PPL: variants seen among roughly 807,000 people sequenced by gnomAD.
The protein encoded by PPL is periplakin.
Under a neutral mutation model 194.4 loss-of-function variants are expected in PPL, and 198 were observed. The observed-to-expected ratio is 1.02, with a 90% confidence interval of 0.91 to 1.15. The LOEUF (loss-of-function observed/expected upper bound fraction) is 1.15, where lower values mean the gene tolerates loss of function less well. PPL is among the 50% of genes most tolerant of loss of function. The pLI is 0.00. For missense variants in PPL, 2,885 were observed against 2,294.8 expected (o/e 1.26, Z -5.25); for synonymous variants, 1,220 against 972.4 (o/e 1.25, Z -4.74).
At chr16:4,913,437 A>C (rs1289893640) in intron 1 of PPL, among the ~76,000 whole-genome samples, 1 of 152,190 alleles carries the variant, frequency 6.6e-6, no homozygotes, top group Non-Finnish European at 1.5e-5. Flanking sequence ...AATGGAAGTG[A>C]GGTTACACTA....
rs1567978433 is a variant in PPL, at chr16:4,883,500, A to G, written c.5155T>C (p.Phe1719Leu). 5 of 1,613,978 alleles carry G rather than the reference A, an allele frequency of 3.1e-6. No homozygotes were observed. The South Asian group carries it at 3.3e-5, about 11-fold the overall frequency. Residue 1719 changes from phenylalanine to leucine, a missense_variant, in exon 22 of 22, where the codon TTC becomes CTC. Coordinates refer to ENST00000345988, the MANE Select transcript of PPL (RefSeq NM_002705.5). This position sits in a 1 kb window ranked among gnomAD's most constrained non-coding sequence, Gnocchi z 4.8. The stretch of plus-strand genomic sequence containing the variant: ...CTCTGCAGGGCCTCTTCGATGGAGA[A>G]CTTCTTGCCAGACTTCCTGTCGTGT... ...VIHDRKSGKK[F>L]SIEEALQSGR...
chr16:4,917,022 T>C (rs939205510), intron 1 of PPL, among the ~76,000 whole-genome samples: 1 of 151,916 alleles, frequency 6.6e-6, no homozygotes, highest in African/African-American at 2.4e-5. Flanking sequence ...ATCCCATCTA[T>C]TCGGGAAGCT....
chr16:4,930,749 A>G (rs963685389), intron 1 of PPL, among the ~76,000 whole-genome samples: 1 of 152,160 alleles, frequency 6.6e-6, no homozygotes, highest in African/African-American at 2.4e-5. Flanking sequence ...GAAGAGAAGC[A>G]GTGAAAAGGG....
chr16:4,915,496 C>T (rs1425005741), intron 1 of PPL, among the ~76,000 whole-genome samples: 2 of 152,342 alleles, frequency 1.3e-5, no homozygotes, highest in Admixed American at 6.5e-5. Context: ...CCTAAGTCCC[C>T]GGGGAGGTTG....
At chr16:4,928,777 G>A (rs2089191140) in intron 1 of PPL, among the ~76,000 whole-genome samples, 1 of 152,098 alleles carries the variant, frequency 6.6e-6, no homozygotes, top group Non-Finnish European at 1.5e-5. Context: ...TTAGGAAGCC[G>A]AGGCAGGTGG....
rs1276978458 is a variant in PPL, at chr16:4,893,342, C to T, written c.1521G>A (p.Leu507=). The T allele has an allele frequency of 5.6e-6, 9 of 1,608,076 alleles. No individual in the cohort carries two copies. Among genetic ancestry groups the T allele is most frequent in the Middle Eastern group, 3.4e-4 (2 of 5,948 alleles). Residue 507 remains leucine, a synonymous_variant, in exon 14 of 22, where the codon CTG becomes CTA. Transcript: ENST00000345988. ...TGGCCACCTTGTCCAAGCCAGCCAG[C>T]AGCTGCCGCCCCTGTAGGTCAGAGG... The part of the protein sequence containing the change: ...GDASDLQGRQ[L]LAGLDKVASD...
intron 1 of PPL, among the ~76,000 whole-genome samples, chr16:4,920,349 A>G (rs11862117): frequency 3.0e-4 from 14 of 46,162 alleles, no homozygotes; most frequent in African/African-American, 4.3e-4. Flanking sequence ...GAGAGAGAGA[A>G]AGAAAGAAAG....
intron 1 of PPL, among the ~76,000 whole-genome samples, chr16:4,933,346 T>C (rs967960301): frequency 3.9e-5 from 6 of 152,160 alleles, no homozygotes; most frequent in Non-Finnish European, 8.8e-5. Context: ...GCCAGGCTGC[T>C]GGGTGTTTAC....
At chr16:4,913,020 CTTGAACCTGGG>C (rs2088850560) in intron 1 of PPL, among the ~76,000 whole-genome samples, 2 of 152,114 alleles carry the variant, frequency 1.3e-5, no homozygotes, top group South Asian at 4.1e-4. Context: ...AGGAGAACTG[CTTGAACCTGGG>C]AGGTGGAGGT....
chr16:4,887,297 C>A (rs1797074353), intron 20 of PPL, 70 bp from the exon 21 acceptor site: 1 of 1,155,506 alleles, frequency 8.7e-7, no homozygotes, highest in Non-Finnish European at 1.3e-6. Context: ...GAGAGCTAGA[C>A]AGCGTGGACG....
At chr16:4,911,351 G>T (rs1345801120) in intron 1 of PPL, among the ~76,000 whole-genome samples, 13 of 151,932 alleles carry the variant, frequency 8.6e-5, no homozygotes. Context: ...TAGTGGAGAT[G>T]GGGTTCCACC....
chr16:4,905,694 C>A (rs995799182), intron 2 of PPL, among the ~76,000 whole-genome samples: 2 of 152,192 alleles, frequency 1.3e-5, no homozygotes, highest in African/African-American at 4.8e-5. Context: ...AAAGACTTGG[C>A]TTCTTCTTGG....
chr16:4,890,043 T>A (rs912509982), intron 18 of PPL, 141 bp downstream of exon 18: 13 of 1,229,194 alleles, frequency 1.1e-5, no homozygotes, highest in African/African-American at 4.5e-5. Flanking sequence ...GAGCTTGAGC[T>A]GAGGCCCAGG....
In PPL at chr16:4,885,601, C is replaced by G; in HGVS notation, c.3054G>C (p.Glu1018Asp). 1 of 1,612,292 alleles carries G rather than the reference C, an allele frequency of 6.2e-7. No individual in the cohort carries two copies. ...GGGCGCCCTTCTGCCGCCTCAGTGC[C>G]TCCAGCTCCTCCCGCAGCTGCAAGA... ...DEVLQLREEL[E>D]ALRRQKGARE... The change falls in exon 22 of 22, where the codon GAG becomes GAC. Residue 1018 changes from glutamate to aspartate, a missense_variant. Glu to Asp is a conservative substitution (Grantham distance 45, BLOSUM62 2). Transcript: ENST00000345988. This position sits in a 1 kb window ranked among gnomAD's most constrained non-coding sequence, Gnocchi z 6.3.
Position 4,900,939 on chromosome 16 carries a change from CCCACCACA to C in PPL, c.564+17_564+24del. 6.2e-7 allele frequency: 1 copy of C among 1,613,950 alleles called. No homozygotes were observed. The highest frequency in any genetic ancestry group is 8.5e-7 in the Non-Finnish European group (1 of 1,179,950). ...GCGCGGCCCCCTCCATCCCTGGGTC[CCCACCACA>C]CCAGCACACGCCCCACCTTGTCCCC... On this transcript the variant is annotated intron_variant, in intron 5 of 21. Coordinates refer to ENST00000345988, the MANE Select transcript of PPL (RefSeq NM_002705.5).
chr16:4,905,354 G>A (rs1336280249), intron 2 of PPL, among the ~76,000 whole-genome samples: 1 of 152,194 alleles, frequency 6.6e-6, no homozygotes, highest in Non-Finnish European at 1.5e-5. Context: ...ACATGGTGTG[G>A]GATCCATTGA....
At chr16:4,889,260 T>G (rs1291899330) in intron 18 of PPL, among the ~76,000 whole-genome samples, 199 bp from the exon 19 acceptor site, 3 of 128,346 alleles carry the variant, frequency 2.3e-5, no homozygotes, top group Non-Finnish European at 4.9e-5. Context: ...TTTTTTTTTT[T>G]TTTTTTTTTT....
chr16:4,893,684 C>A, intron 12 of PPL, 46 bp from the exon 13 acceptor site: 1 of 1,493,336 alleles, frequency 6.7e-7, no homozygotes, highest in Non-Finnish European at 9.0e-7. Context: ...CCCACCACCC[C>A]CTGCACCCAC....
intron 11 of PPL, 78 bp from the exon 12 acceptor site, chr16:4,894,696 G>T (rs1267905515): frequency 6.5e-7 from 1 of 1,527,630 alleles, no homozygotes; most frequent in Non-Finnish European, 8.8e-7. Flanking sequence ...CTCAGCCCCC[G>T]ACTCTTGGAC....
Sources: gnomAD v4.1 joint callset for allele counts (sites outside exome capture counted in the v4.1 genomes callset) on GRCh38, gnomAD v4.1.1 for gene constraint, Gnocchi (gnomAD v3.1) non-coding constraint, MANE v1.5 for transcripts, NCBI Gene and HGNC (gene_info 2026-07-23, HGNC 2026-07-21) for gene names.